Variants in CERT1 observed in about 807,000 individuals in gnomAD.
The protein encoded by CERT1 is ceramide transfer protein.
In CERT1, 31 loss-of-function variants were observed where a neutral mutation model predicts 87.9. The observed-to-expected ratio is 0.35, with a 90% CI of 0.27 to 0.48. The LOEUF (loss-of-function observed/expected upper bound fraction) is 0.48. Ranked by LOEUF, CERT1 falls within the 20% of genes least tolerant of loss-of-function variation. The pLI is 0.99. For missense variants in CERT1, 487 were observed against 758.0 expected (o/e 0.64, Z 4.20); for synonymous variants, 289 against 250.9 (o/e 1.15, Z -1.44).
Position 75,409,767 on chromosome 5 carries a change from T to TC in CERT1, c.930+1243dup, listed in dbSNP as rs201565425. On this transcript the variant is annotated intron_variant, in intron 8 of 16. Transcript: ENST00000643780. ...TGGTCTCGAGCTCTTGACCTTGTGA[T>TC]CCCCCCGCCTCAGCCTCCCAAAGTG... Among the ~76,000 whole-genome samples the TC allele has an allele frequency of 9.6e-3, 1,443 of 150,884 alleles. 22 individuals carry two copies. The highest frequency in any genetic ancestry group is 0.034 in the African/African-American group (1,392 of 41,054).
chr5:75,493,461 A>G (rs538960577), intron 2 of CERT1, among the ~76,000 whole-genome samples: 2 of 152,352 alleles, frequency 1.3e-5, no homozygotes, highest in South Asian at 4.1e-4. Flanking sequence ...TTCATTGTCG[A>G]AAATAATTAT....
rs540588442 is a variant in CERT1 at position 75,477,647 on chromosome 5, T to TAAAAAAAAA, written c.232-18475_232-18467dup. ...ATGAGAGTAAAGGTCTAATAAGTTG[T>TAAAAAAAAA]AAAAAAAAAAAAAAAAAAAAAACAA... On this transcript the variant is annotated intron_variant, in intron 2 of 16. Transcript: ENST00000643780. Among the ~76,000 whole-genome samples, 7 of 89,506 alleles carry TAAAAAAAAA rather than the reference T, an allele frequency of 7.8e-5. 1 individual carries two copies. Among genetic ancestry groups the TAAAAAAAAA allele is most frequent in the Non-Finnish European group, 1.5e-4 (7 of 46,832 alleles). 58.7% of individuals were successfully genotyped at this position (89,506 alleles called of 152,430 possible).
intron 3 of CERT1, among the ~76,000 whole-genome samples, chr5:75,430,646 C>T (rs60191659): frequency 0.027 from 4,064 of 151,604 alleles, 175 homozygotes; most frequent in African/African-American, 0.094. Context: ...AAATTGTACC[C>T]CAATAAAGTT....
chr5:75,454,420 A>G (rs1764886342), intron 3 of CERT1, among the ~76,000 whole-genome samples: 1 of 152,214 alleles, frequency 6.6e-6, no homozygotes, highest in African/African-American at 2.4e-5. Flanking sequence ...CTTGCTGTTT[A>G]TATCTATTTT....
intron 16 of CERT1, 60 bp downstream of exon 16, chr5:75,381,012 A>T: frequency 6.3e-7 from 1 of 1,580,024 alleles, no homozygotes; most frequent in Non-Finnish European, 8.7e-7. Flanking sequence ...AATTGTTGTC[A>T]TATAGGTCAT....
intron 2 of CERT1, among the ~76,000 whole-genome samples, chr5:75,488,400 A>G (rs530085831): frequency 4.0e-4 from 61 of 152,232 alleles, no homozygotes; most frequent in African/African-American, 1.4e-3. Context: ...TAGTAACTTG[A>G]AAATGTTGTT....
intron 3 of CERT1, among the ~76,000 whole-genome samples, chr5:75,458,528 T>C (rs1316338201): frequency 6.6e-6 from 1 of 152,164 alleles, no homozygotes; most frequent in Admixed American, 6.5e-5. Context: ...GGTATATTTT[T>C]GATGTAGTTA....
intron 3 of CERT1, among the ~76,000 whole-genome samples, chr5:75,442,427 C>T (rs970823254): frequency 4.6e-5 from 7 of 152,128 alleles, no homozygotes; most frequent in African/African-American, 1.7e-4. Context: ...CATTATGTTG[C>T]CCAGTCTGGT....
chr5:75,409,710 GTA>G (rs552666395), intron 8 of CERT1, among the ~76,000 whole-genome samples: 84 of 152,010 alleles, frequency 5.5e-4, no homozygotes, highest in South Asian at 2.3e-3. Flanking sequence ...CATTTTTTTA[GTA>G]GAGACGGGGT....
chr5:75,496,249 G>A (rs1247411987), intron 2 of CERT1, among the ~76,000 whole-genome samples: 1 of 149,160 alleles, frequency 6.7e-6, no homozygotes, highest in Non-Finnish European at 1.5e-5. Context: ...AAACCACAAT[G>A]AGCTATCACT....
At chr5:75,394,889 T>C (rs1413877543) in intron 11 of CERT1, among the ~76,000 whole-genome samples, 2 of 152,194 alleles carry the variant, frequency 1.3e-5, no homozygotes, top group East Asian at 1.9e-4. Flanking sequence ...TATGGATAAG[T>C]ACATACACCT....
At chr5:75,387,754 A>G (rs1030132128) in intron 12 of CERT1, among the ~76,000 whole-genome samples, 10 of 152,090 alleles carry the variant, frequency 6.6e-5, no homozygotes, top group Non-Finnish European at 8.8e-5. Flanking sequence ...AAAAAAAGAA[A>G]AAAAAAAAAA....
chr5:75,384,027 T>C (rs192504191), intron 14 of CERT1, among the ~76,000 whole-genome samples: 2 of 152,350 alleles, frequency 1.3e-5, no homozygotes, highest in East Asian at 3.9e-4. Context: ...CTGTGATTTT[T>C]CTTTGCTTTC....
At chr5:75,477,666 A>C (rs998928371) in intron 2 of CERT1, among the ~76,000 whole-genome samples, 1 of 150,322 alleles carries the variant, frequency 6.7e-6, no homozygotes, top group African/African-American at 2.4e-5. Flanking sequence ...AAAAAAAAAA[A>C]AAACAACCAA....
chr5:75,447,111 T>A (rs1413141757), intron 3 of CERT1, among the ~76,000 whole-genome samples: 1 of 152,172 alleles, frequency 6.6e-6, no homozygotes. Flanking sequence ...GCCACGGGGC[T>A]GGGATGGGTG....
intron 2 of CERT1, among the ~76,000 whole-genome samples, chr5:75,484,178 G>A (rs542286650): frequency 2.0e-5 from 3 of 151,770 alleles, no homozygotes; most frequent in Admixed American, 6.6e-5. Flanking sequence ...CTAAAATAAT[G>A]GCTTGTTATT....
At chr5:75,396,327 A>G (rs1245026004) in intron 11 of CERT1, among the ~76,000 whole-genome samples, 1 of 152,228 alleles carries the variant, frequency 6.6e-6, no homozygotes, top group African/African-American at 2.4e-5. Context: ...GGTGATTAAA[A>G]ATGTCGACTT....
At position 75,399,344 on chromosome 5, in the gene CERT1, C is replaced by T. The variant is rs747847141; in HGVS notation, c.1154G>A (p.Ser385Asn). 5.6e-6 allele frequency: 9 copies of T among 1,613,584 alleles called. No individual in the cohort carries two copies. Among genetic ancestry groups the T allele is most frequent in the Non-Finnish European group, 7.6e-6 (9 of 1,179,700 alleles). Reference sequence around the variant, plus strand: ...GAATCTGTGAACATCATCAGAGGCACTGACTAGATCAATGGAAGACATGGA... The same window carrying T: ...GAATCTGTGAACATCATCAGAGGCATTGACTAGATCAATGGAAGACATGGA... ...SSSMSSIDLV[S>N]ASDDVHRFSS... Residue 385 changes from serine to asparagine, a missense_variant, in exon 11 of 17, where the codon AGT (serine) becomes AAT (asparagine). Ser to Asn is a conservative substitution (Grantham distance 46, BLOSUM62 1). This residue lies in a region of CERT1 where 91 missense variants were observed against 86.7 expected (regional missense o/e 1.05). Coordinates refer to ENST00000643780, the MANE Select transcript of CERT1 (RefSeq NM_001379029.1).
chr5:75,495,178 C>T (rs189189114), intron 2 of CERT1, among the ~76,000 whole-genome samples: 5 of 152,200 alleles, frequency 3.3e-5, no homozygotes, highest in Admixed American at 1.3e-4. Context: ...TTTTAAAATA[C>T]GTAATTGTTG....
Sources: gnomAD v4.1 joint callset for allele counts (sites outside exome capture counted in the v4.1 genomes callset) on GRCh38, gnomAD v4.1.1 for gene constraint, gnomAD v4.1.1 regional missense constraint, MANE v1.5 for transcripts, NCBI Gene and HGNC (gene_info 2026-07-23, HGNC 2026-07-21) for gene names.